PCNT: variants seen among roughly 807,000 people sequenced by gnomAD.
PCNT encodes the protein kendrin.
A neutral mutation model predicts 380.4 loss-of-function variants in PCNT; 319 were observed. That is an observed-to-expected ratio of 0.84 (90% CI 0.77 to 0.92). The LOEUF (loss-of-function observed/expected upper bound fraction) is 0.92, where lower values mean the gene tolerates loss of function less well. Among genes scored for constraint, PCNT ranks in the 40% least tolerant of loss-of-function variants. The probability of loss-of-function intolerance (pLI) is 0.00; values close to 1 mark genes in which losing one functional copy is unlikely to be tolerated. For missense variants in PCNT, 4,400 were observed against 4,255.3 expected (o/e 1.03, Z -0.95); for synonymous variants, 1,845 against 1,735.2 (o/e 1.06, Z -1.57).
chr21:46,365,840 A>C, intron 14 of PCNT, among the ~76,000 whole-genome samples: 1 of 117,764 alleles, frequency 8.5e-6, no homozygotes, highest in African/African-American at 6.4e-5. Flanking sequence ...GGTTCCGTTC[A>C]CTGCCACAGG....
Position 46,440,113 on chromosome 21 carries a change from G to A in PCNT, c.9304G>A (p.Glu3102Lys), listed in dbSNP as rs775636867. ...GGAAAGGTCTGCTTGGAAGCCAGAC[G>A]AAACGGCTCCACAGAGTTCCCTGAG... ...RSERSAWKPDETAPQSSLRRP... is the reference protein window; with the variant it reads ...RSERSAWKPDKTAPQSSLRRP... Residue 3102 changes from glutamate to lysine, a missense_variant, in exon 42 of 47, where the codon GAA becomes AAA. Physicochemically the swap from Glu to Lys is moderately conservative, Grantham distance 56. Transcript: ENST00000359568. The A allele has an allele frequency of 4.4e-5, 71 of 1,614,032 alleles. No individual in the cohort carries two copies. The highest frequency in any genetic ancestry group is 5.3e-5 in the Non-Finnish European group (62 of 1,180,034).
In PCNT at chr21:46,386,859, G is replaced by A. The variant is rs1427621037; in HGVS notation, c.3464+876G>A. On this transcript the variant is annotated intron_variant, in intron 17 of 46. Transcript: ENST00000359568. ...GCCAAACGCAGCCTCCCCTTGGTGC[G>A]CGTCCTCCCCGTCCCCTTGTGTGGG... Among the ~76,000 whole-genome samples, 5 of 152,270 alleles carry A rather than the reference G, an allele frequency of 3.3e-5. No individual in the cohort carries two copies. In the South Asian group the frequency reaches 6.2e-4, roughly 19 times the overall value.
chr21:46,428,006 G>A (rs1601174656), intron 34 of PCNT, among the ~76,000 whole-genome samples: 1 of 152,216 alleles, frequency 6.6e-6, no homozygotes, highest in East Asian at 1.9e-4. Flanking sequence ...AGGTGTGCTC[G>A]AGATGCACCC....
rs61735819 is a variant in PCNT at position 46,428,556 on chromosome 21, C to T, written c.7656C>T (p.Arg2552=). The change falls in exon 35 of 47, where the codon CGC becomes CGT. Residue 2552 remains arginine, a synonymous_variant. Coordinates refer to ENST00000359568, the MANE Select transcript of PCNT (RefSeq NM_006031.6). ...CGGCGCTGACAAGCGCAGAGGCGCG[C>T]GGGAGCCAGCAGGAGCACCAGCTGC... is the stretch of plus-strand genomic sequence containing the variant. The part of the protein sequence containing the change: ...LRTALTSAEA[R]GSQQEHQLRR... 3,264 of 1,605,596 alleles carry T rather than the reference C, an allele frequency of 2.0e-3. 25 individuals are homozygous for T. The highest frequency in any genetic ancestry group is 0.015 in the African/African-American group (1,134 of 74,986).
At chr21:46,359,035 C>T (rs905277806) in intron 13 of PCNT, among the ~76,000 whole-genome samples, 1 of 151,878 alleles carries the variant, frequency 6.6e-6, no homozygotes, top group African/African-American at 2.4e-5. Flanking sequence ...GTCTCGATCT[C>T]CTGACCTCGT....
At chr21:46,381,484 T>C (rs1420732943) in intron 15 of PCNT, among the ~76,000 whole-genome samples, 1 of 152,038 alleles carries the variant, frequency 6.6e-6, no homozygotes, top group Non-Finnish European at 1.5e-5. Context: ...TCTCCTTAAG[T>C]GTTTTATCCC....
chr21:46,353,041 T>C, intron 9 of PCNT, 63 bp from the exon 10 acceptor site: 1 of 1,381,068 alleles, frequency 7.2e-7, no homozygotes, highest in Non-Finnish European at 1.0e-6. Flanking sequence ...GGCTCTTGCC[T>C]CTCGCCTGGC....
At chr21:46,389,490 C>G in intron 19 of PCNT, 59 bp downstream of exon 19, 1 of 1,385,058 alleles carries the variant, frequency 7.2e-7, no homozygotes, top group Non-Finnish European at 1.0e-6. Flanking sequence ...GCTGATGATG[C>G]CACACGAGCC....
At chr21:46,352,298 C>T (rs931710304) in intron 9 of PCNT, among the ~76,000 whole-genome samples, 5 of 152,252 alleles carry the variant, frequency 3.3e-5, no homozygotes, top group African/African-American at 1.2e-4. Context: ...CCTGGCTCCG[C>T]CTCCCAGCCC....
chr21:46,427,820 C>A (rs751712332), intron 34 of PCNT, 25 bp downstream of exon 34: 2 of 1,611,678 alleles, frequency 1.2e-6, no homozygotes, highest in African/African-American at 2.7e-5. Context: ...TGCCACCAGG[C>A]CTCAGTTTGC....
At position 46,386,433 on chromosome 21, in the gene PCNT, C is replaced by T. The variant is rs374267571; in HGVS notation, c.3464+450C>T. Among the ~76,000 whole-genome samples the T allele has an allele frequency of 2.9e-4, 44 of 152,350 alleles. No individual in the cohort carries two copies. The South Asian group carries it at 7.5e-3, about 26-fold the overall frequency. On this transcript the variant is annotated intron_variant, in intron 17 of 46. Transcript: ENST00000359568. The stretch of plus-strand genomic sequence containing the variant: ...TCTCTGTGACGTGTGTTTCTGAGAC[C>T]GGCCCAAGCAGGGGCCGTAGCCCTG...
chr21:46,335,362 T>G (rs1206459719), intron 3 of PCNT, among the ~76,000 whole-genome samples: 2 of 152,306 alleles, frequency 1.3e-5, no homozygotes, highest in East Asian at 3.9e-4. Flanking sequence ...AGGAAAACAT[T>G]AAGTTTGGAA....
intron 15 of PCNT, among the ~76,000 whole-genome samples, chr21:46,377,683 A>C (rs2085372429): frequency 1.3e-5 from 2 of 152,074 alleles, no homozygotes; most frequent in Admixed American, 1.3e-4. Flanking sequence ...ATAAAAAAAT[A>C]CTAAAAATAA....
rs1171130650 is a variant in PCNT at position 46,428,588 on chromosome 21, A to G, written c.7688A>G (p.Gln2563Arg). ...GSQQEHQLRR[Q>R]VELLAYKVEQ... ...CAGCAGGAGCACCAGCTGCGCAGGC[A>G]GGGTGGGTGTCACTGTCTACACTGC... is the stretch of plus-strand genomic sequence containing the variant. Residue 2563 changes from glutamine to arginine, a missense_variant and splice_region_variant, in exon 35 of 47, where the codon CAG (glutamine) becomes CGG (arginine). Physicochemically the swap from Gln to Arg is conservative, Grantham distance 43. Transcript: ENST00000359568. 1.3e-6 allele frequency: 2 copies of G among 1,594,888 alleles called. No individual in the cohort carries two copies. The highest frequency in any genetic ancestry group is 1.7e-6 in the Non-Finnish European group (2 of 1,176,782).
intron 27 of PCNT, among the ~76,000 whole-genome samples, chr21:46,405,426 G>T (rs530824355): frequency 6.6e-6 from 1 of 152,202 alleles, no homozygotes; most frequent in Non-Finnish European, 1.5e-5. Flanking sequence ...GGCCAGGAGC[G>T]GTGGCTCACG....
intron 41 of PCNT, 62 bp downstream of exon 41, chr21:46,438,399 C>T: frequency 6.7e-6 from 10 of 1,502,160 alleles, no homozygotes; most frequent in Non-Finnish European, 9.3e-6. Context: ...CAGAGCAGCT[C>T]CACCCCACAA....
At chr21:46,414,513 A>C (rs1602020225) in intron 29 of PCNT, among the ~76,000 whole-genome samples, 1 of 100,494 alleles carries the variant, frequency 1.0e-5, no homozygotes, top group African/African-American at 4.2e-5. Context: ...TTCTCGACAC[A>C]CAACCACCCA....
rs183646830 is a variant in PCNT at position 46,423,065 on chromosome 21, T to C, written c.7179+941T>C. On this transcript the variant is annotated intron_variant, in intron 32 of 46. Coordinates refer to ENST00000359568, the MANE Select transcript of PCNT (RefSeq NM_006031.6). ...GAGTTCAAGACCAGCCTGGGCAACA[T>C]AGTAAGACCCCTCTCTGTCAGAACT... is the stretch of plus-strand genomic sequence containing the variant. Among the ~76,000 whole-genome samples, 20 of 152,156 alleles carry C rather than the reference T, an allele frequency of 1.3e-4. No individual in the cohort carries two copies. In the East Asian group the frequency reaches 3.9e-3, roughly 30 times the overall value.
Position 46,398,102 on chromosome 21 carries a change from C to T in PCNT, c.4535C>T (p.Pro1512Leu), listed in dbSNP as rs916821322. ...LEGQLRQAAKPQPWGPRDSQQ... is the reference protein window; with the variant it reads ...LEGQLRQAAKLQPWGPRDSQQ... ...GGGCAGCTCCGCCAGGCGGCCAAGC[C>T]GCAGCCCTGGGGCCCTCGCGACAGC... is the stretch of plus-strand genomic sequence containing the variant. Residue 1512 changes from proline (P) to leucine (L), a missense_variant, in exon 23 of 47, where the codon CCG becomes CTG. Transcript: ENST00000359568. 13 of 1,603,166 alleles carry T rather than the reference C, an allele frequency of 8.1e-6. No individual in the cohort carries two copies. Among genetic ancestry groups the T allele is most frequent in the East Asian group, 4.5e-5 (2 of 44,500 alleles).
Sources: allele counts gnomAD v4.1 joint callset (sites outside exome capture counted in the v4.1 genomes callset), GRCh38; gene constraint gnomAD v4.1.1; transcripts MANE v1.5; gene names NCBI Gene and HGNC (gene_info 2026-07-23, HGNC 2026-07-21).